CD2AP: variants seen among roughly 807,000 people sequenced by gnomAD.
The protein encoded by CD2AP is CD2 associated protein.
In CD2AP, 46 loss-of-function variants were observed where a neutral mutation model predicts 85.1. The observed-to-expected ratio is 0.54, with a 90% CI of 0.43 to 0.69. CD2AP has a LOEUF of 0.69. CD2AP is among the 30% of genes least tolerant of loss of function. The pLI is 0.00. For synonymous variants in CD2AP, 255 were observed against 252.9 expected (o/e 1.01, Z -0.08); for missense variants, 769 against 729.5 (o/e 1.05, Z -0.62).
intron 10 of CD2AP, among the ~76,000 whole-genome samples, chr6:47,581,382 A>G (rs1460449017): frequency 6.6e-6 from 1 of 152,210 alleles, no homozygotes; most frequent in Non-Finnish European, 1.5e-5. Flanking sequence ...CTTTGCTTCC[A>G]TAATTTTCGA....
rs1217911406 is a variant in CD2AP, at chr6:47,606,187, A to G, written c.1440A>G (p.Ile480Met). The G allele has an allele frequency of 6.3e-7, 1 of 1,597,306 alleles. No individual in the cohort carries two copies. The highest frequency in any genetic ancestry group is 1.7e-5 in the Admixed American group (1 of 59,902). ...TAGATGTTGTAAATTTTGATGACAT[A>G]GCTTCCTCAGAAAACTTGCTTCATC... Reference protein sequence around the residue: ...KETDVVNFDDIASSENLLHLT... With the variant: ...KETDVVNFDDMASSENLLHLT... The change falls in exon 14 of 18, where the codon ATA becomes ATG. Residue 480 changes from isoleucine to methionine, a missense_variant. By Grantham distance (10) the Ile-to-Met change is conservative. Transcript: ENST00000359314.
intron 13 of CD2AP, among the ~76,000 whole-genome samples, chr6:47,602,551 G>T: frequency 6.6e-6 from 1 of 151,618 alleles, no homozygotes; most frequent in South Asian, 2.1e-4. Flanking sequence ...TTTCCTTACA[G>T]TGTAGTATTG....
Position 47,595,534 on chromosome 6 carries a change from T to G in CD2AP, c.1109-327T>G, listed in dbSNP as rs1345827124. ...AGATAATTTTCTGGTTAGAGTAAAA[T>G]CATGTGTGGTTGTATTTGAGATAGA... On this transcript the variant is annotated intron_variant, in intron 11 of 17. Coordinates refer to ENST00000359314, the MANE Select transcript of CD2AP (RefSeq NM_012120.3). Among the ~76,000 whole-genome samples the G allele has an allele frequency of 2.6e-5, 4 of 152,016 alleles. No individual in the cohort carries two copies. In the South Asian group the frequency reaches 6.2e-4, roughly 24 times the overall value.
chr6:47,564,698 T>C (rs1235226631), intron 5 of CD2AP, among the ~76,000 whole-genome samples: 1 of 152,068 alleles, frequency 6.6e-6, no homozygotes, highest in Admixed American at 6.5e-5. Context: ...TGCCAGGAAG[T>C]GAGCATTATA....
Position 47,572,984 on chromosome 6 carries a change from C to T in CD2AP, c.542-1080C>T, listed in dbSNP as rs942081181. ...CATATTTTTCCTTACCCCGTACCCC[C>T]GGTCTTAAATGTTTCTGGATTTTTA... On this transcript the variant is annotated intron_variant, in intron 5 of 17. Coordinates refer to ENST00000359314, the MANE Select transcript of CD2AP (RefSeq NM_012120.3). 1.1e-4 allele frequency among the ~76,000 whole-genome samples: 16 copies of T among 152,230 alleles called. No individual in the cohort carries two copies. The East Asian group carries it at 1.2e-3, about 11-fold the overall frequency.
intron 11 of CD2AP, among the ~76,000 whole-genome samples, chr6:47,593,502 TGAAAA>T (rs1768856777): frequency 6.6e-6 from 1 of 152,122 alleles, no homozygotes; most frequent in Admixed American, 6.6e-5. Context: ...TATAAGCACT[TGAAAA>T]GATGTTTAAC....
intron 2 of CD2AP, among the ~76,000 whole-genome samples, chr6:47,515,191 A>C (rs1360276298): frequency 6.6e-6 from 1 of 152,194 alleles, no homozygotes; most frequent in Non-Finnish European, 1.5e-5. Flanking sequence ...GGCTGAATGA[A>C]AGTTTTCATA....
intron 9 of CD2AP, among the ~76,000 whole-genome samples, chr6:47,580,535 G>A (rs1429390561): frequency 6.6e-6 from 1 of 152,044 alleles, no homozygotes; most frequent in Non-Finnish European, 1.5e-5. Context: ...TGCAAAAGAG[G>A]GGTAAAATGG....
At chr6:47,590,166 T>C (rs910016774) in intron 11 of CD2AP, among the ~76,000 whole-genome samples, 5 of 152,066 alleles carry the variant, frequency 3.3e-5, no homozygotes, top group Non-Finnish European at 7.4e-5. Flanking sequence ...ACCTGGCCTT[T>C]AGGGGATCTA....
chr6:47,511,403 G>A (rs983745576), intron 2 of CD2AP, among the ~76,000 whole-genome samples: 1 of 152,204 alleles, frequency 6.6e-6, no homozygotes, highest in Non-Finnish European at 1.5e-5. Flanking sequence ...AGGCAAAGGA[G>A]ACATAATAAC....
chr6:47,588,669 G>A (rs1768694192), intron 11 of CD2AP, among the ~76,000 whole-genome samples: 1 of 152,106 alleles, frequency 6.6e-6, no homozygotes, highest in Non-Finnish European at 1.5e-5. Flanking sequence ...CATATGACCT[G>A]CCACTCAGTG....
intron 3 of CD2AP, among the ~76,000 whole-genome samples, chr6:47,542,177 G>A (rs1767231034): frequency 6.6e-6 from 1 of 151,978 alleles, no homozygotes; most frequent in South Asian, 2.1e-4. Flanking sequence ...CTCTCATTAT[G>A]TATTCAAGTT....
intron 15 of CD2AP, among the ~76,000 whole-genome samples, chr6:47,608,602 A>G (rs1014497095): frequency 6.6e-6 from 1 of 152,154 alleles, no homozygotes; most frequent in Non-Finnish European, 1.5e-5. Context: ...AATACACTTA[A>G]TCTGATTCTC....
At chr6:47,539,892 C>T (rs1196369290) in intron 3 of CD2AP, among the ~76,000 whole-genome samples, 1 of 151,712 alleles carries the variant, frequency 6.6e-6, no homozygotes, top group Admixed American at 6.6e-5. Flanking sequence ...TAAGAAAATA[C>T]TAATAGCTGA....
At chr6:47,622,898 A>G (rs1769797094) in intron 17 of CD2AP, among the ~76,000 whole-genome samples, 1 of 152,212 alleles carries the variant, frequency 6.6e-6, no homozygotes, top group Non-Finnish European at 1.5e-5. Flanking sequence ...GTATGTCACA[A>G]ATAGCAGTTT....
intron 2 of CD2AP, among the ~76,000 whole-genome samples, chr6:47,527,112 C>CG (rs766704769): frequency 1.4e-5 from 2 of 142,054 alleles, no homozygotes; most frequent in Non-Finnish European, 3.1e-5. Context: ...AGACTCCCCC[C>CG]CGATTGAAAA....
At chr6:47,572,283 G>T (rs985466008) in intron 5 of CD2AP, among the ~76,000 whole-genome samples, 3 of 152,220 alleles carry the variant, frequency 2.0e-5, no homozygotes, top group African/African-American at 7.2e-5. Flanking sequence ...CACTGCGATG[G>T]TGTACAAGTG....
At chr6:47,576,986 A>G (rs770569798) in intron 7 of CD2AP, 23 bp from the exon 8 acceptor site, 37 of 1,187,874 alleles carry the variant, frequency 3.1e-5, no homozygotes, top group Admixed American at 1.3e-4. Flanking sequence ...TGTGAGCCAC[A>G]TTATTTACAT....
chr6:47,531,241 A>C (rs935024952), intron 2 of CD2AP, among the ~76,000 whole-genome samples: 1 of 152,112 alleles, frequency 6.6e-6, no homozygotes, highest in South Asian at 2.1e-4. Flanking sequence ...TCCTTATTTC[A>C]TGATGCTCCT....
Sources: allele counts gnomAD v4.1 joint callset (sites outside exome capture counted in the v4.1 genomes callset), GRCh38; gene constraint gnomAD v4.1.1; transcripts MANE v1.5; gene names NCBI Gene and HGNC (gene_info 2026-07-23, HGNC 2026-07-21).